The following PRR33 variants were observed in gnomAD, a reference collection of about 807,000 sequenced individuals.
The protein encoded by PRR33 is proline rich 33.
A neutral mutation model predicts 0.5 loss-of-function variants in PRR33; 1 was observed. The ratio of observed to expected loss-of-function variants is 2.18; its 90% CI spans 0.77 to 10.34. PRR33 has a LOEUF of 10.34. PRR33 is among the 30% of genes most tolerant of loss of function. The pLI, the probability that PRR33 is intolerant of heterozygous loss-of-function variation, is 0.13. For synonymous variants in PRR33, 226 were observed against 110.0 expected (o/e 2.06, Z -6.60); for missense variants, 552 against 251.8 (o/e 2.19, Z -8.07).
the PRR33 span, among the ~76,000 whole-genome samples, chr11:1,900,448 C>T: frequency 1.3e-5 from 2 of 152,166 alleles, no homozygotes; most frequent in African/African-American, 2.4e-5. Flanking sequence ...GGAATTTTTA[C>T]CCAGTCCAAA....
the PRR33 span, among the ~76,000 whole-genome samples, chr11:1,913,313 T>G: frequency 2.9e-5 from 1 of 34,918 alleles, no homozygotes; most frequent in Non-Finnish European, 1.5e-4. Flanking sequence ...TTTTTTTTTT[T>G]TGTTTTTTTT....
chr11:1,893,940 G>A (rs1201247575), upstream of PRR33, among the ~76,000 whole-genome samples: 1 of 151,310 alleles, frequency 6.6e-6, no homozygotes, highest in Non-Finnish European at 1.5e-5. Context: ...TAGATGGGTG[G>A]GTGGATGGAT....
the PRR33 span, among the ~76,000 whole-genome samples, chr11:1,909,267 A>G: frequency 6.6e-6 from 1 of 151,850 alleles, no homozygotes; most frequent in African/African-American, 2.4e-5. Flanking sequence ...GCGAGGCTCG[A>G]GTCCAGGAGT....
the PRR33 span, among the ~76,000 whole-genome samples, chr11:1,903,636 A>C: frequency 6.6e-6 from 1 of 152,200 alleles, no homozygotes; most frequent in Non-Finnish European, 1.5e-5. Flanking sequence ...CTTTAGTAAG[A>C]TGCCACCATT....
At chr11:1,903,166 GC>G in the PRR33 span, 1 of 152,120 alleles carries the variant, frequency 6.6e-6, no homozygotes, top group East Asian at 1.9e-4. Flanking sequence ...ATTTTACCCA[GC>G]CCCTGTTCAA....
At chr11:1,890,752 G>A (rs1848966650) in exon 1 of PRR33, 1 of 602,374 alleles carries the variant, frequency 1.7e-6, no homozygotes, top group Non-Finnish European at 3.0e-6. Flanking sequence ...TGCTGAGCTC[G>A]ACTGTGCCTT....
In PRR33 at chr11:1,890,279, G is replaced by A. The variant is rs889853504; in HGVS notation, c.306C>T (p.Ala102=). ...GGGCAGCCACCATGCGGGGAGCCTC[G>A]GCGGGGCGTGGGGCTTCAGGAAGGC... Residue 102 remains alanine, a synonymous_variant, in exon 1 of 1, where the codon GCC becomes GCT. Coordinates refer to ENST00000640310, the Ensembl canonical transcript of PRR33. 2.9e-5 allele frequency: 21 copies of A among 712,674 alleles called. 1 individual carries two copies. Among genetic ancestry groups the A allele is most frequent in the East Asian group, 1.1e-4 (4 of 37,196 alleles). The allele number at this position is 712,674 out of a possible 1,614,324, so 44.1% of individuals were successfully genotyped here.
rs985449472 is a variant in PRR33, at chr11:1,890,170, G to A, written c.415C>T (p.Arg139Cys). 16 of 717,004 alleles carry A rather than the reference G, an allele frequency of 2.2e-5. No individual in the cohort carries two copies. The Admixed American group carries it at 2.4e-4, about 11-fold the overall frequency. The allele number at this position is 717,004 out of a possible 1,614,324, so 44.4% of individuals were successfully genotyped here. Residue 139 changes from arginine (R) to cysteine (C), a missense_variant, in exon 1 of 1, where the codon CGC becomes TGC. Coordinates refer to ENST00000640310, the Ensembl canonical transcript of PRR33. Reference sequence around the variant, plus strand: ...CTGAATTGAGCAGCTAGAATCCTGCGCTGGGTGAGGCCGATGGAGAACGTG... The same window carrying A: ...CTGAATTGAGCAGCTAGAATCCTGCACTGGGTGAGGCCGATGGAGAACGTG...
chr11:1,890,271 G>C, exon 1 of PRR33: 1 of 713,834 alleles, frequency 1.4e-6, no homozygotes, highest in Non-Finnish European at 2.6e-6. Flanking sequence ...CACCATGCGG[G>C]GAGCCTCGGC....
the PRR33 span, among the ~76,000 whole-genome samples, chr11:1,899,520 G>A: frequency 6.6e-6 from 1 of 152,182 alleles, no homozygotes; most frequent in Non-Finnish European, 1.5e-5. Flanking sequence ...CCATATCGGA[G>A]TTGAGGAGTG....
chr11:1,914,609 T>TGTGTGTG, the PRR33 span, among the ~76,000 whole-genome samples: 1 of 139,816 alleles, frequency 7.2e-6, no homozygotes, highest in Non-Finnish European at 1.6e-5. Context: ...TGTGTGTGTG[T>TGTGTGTG]TCTGGGGTCA....
exon 1 of PRR33, chr11:1,889,537 C>G (rs913903331): frequency 9.8e-6 from 6 of 613,204 alleles, no homozygotes; most frequent in Admixed American, 8.9e-5. Flanking sequence ...GGGGCCTCCT[C>G]CAGCAGCTGC....
the PRR33 span, among the ~76,000 whole-genome samples, chr11:1,897,683 C>T: frequency 6.6e-6 from 1 of 152,194 alleles, no homozygotes; most frequent in Non-Finnish European, 1.5e-5. The surrounding 1 kb of genome is among the most constrained non-coding windows in gnomAD (Gnocchi z 4.0). Flanking sequence ...TGGCACCACC[C>T]TCAGTCACCG....
At chr11:1,913,711 G>T in the PRR33 span, among the ~76,000 whole-genome samples, 5 of 152,252 alleles carry the variant, frequency 3.3e-5, no homozygotes, top group African/African-American at 1.2e-4. Flanking sequence ...TCCATGGCCA[G>T]CTTTGGTCAC....
chr11:1,903,802 T>TTA, the PRR33 span, among the ~76,000 whole-genome samples: 6 of 152,280 alleles, frequency 3.9e-5, no homozygotes, highest in South Asian at 1.0e-3. Flanking sequence ...TTTCCCTGCC[T>TTA]TAGTGTGCAA....
At chr11:1,890,454 T>G in exon 1 of PRR33, 1 of 717,264 alleles carries the variant, frequency 1.4e-6, no homozygotes, top group Non-Finnish European at 2.6e-6. Flanking sequence ...CCGGGCTGCC[T>G]TCCTCAGGAG....
chr11:1,889,336 G>GGCGCCCATGGGCCTCCGCCAC, exon 1 of PRR33: 1 of 711,210 alleles, frequency 1.4e-6, no homozygotes. Context: ...GGCCCTGCCA[G>GGCGCCCATGGGCCTCCGCCAC]GCGCCCTTGG....
upstream of PRR33, among the ~76,000 whole-genome samples, chr11:1,894,424 C>T (rs952244354): frequency 3.0e-4 from 45 of 152,224 alleles, no homozygotes; most frequent in Middle Eastern, 3.4e-3. Flanking sequence ...TTTGTAGAGA[C>T]GAGGTCTTGC....
At chr11:1,907,666 G>A in the PRR33 span, among the ~76,000 whole-genome samples, 51 of 152,188 alleles carry the variant, frequency 3.4e-4, no homozygotes, top group South Asian at 1.2e-3. Flanking sequence ...CAACCGCCCC[G>A]GCCTCCCAAA....
Sources: allele counts gnomAD v4.1 joint callset (sites outside exome capture counted in the v4.1 genomes callset), GRCh38; gene constraint gnomAD v4.1.1; non-coding constraint Gnocchi (gnomAD v3.1); transcripts MANE v1.5; gene names NCBI Gene and HGNC (gene_info 2026-07-23, HGNC 2026-07-21).